Variants in DPP8 observed in about 807,000 individuals in gnomAD.
The protein encoded by DPP8 is DPP VIII.
In DPP8, 31 loss-of-function variants were observed where a neutral mutation model predicts 107.5. That is an observed-to-expected ratio of 0.29 (90% confidence interval 0.22 to 0.39). DPP8 has a LOEUF of 0.39. Ranked by LOEUF, DPP8 falls within the 10% of genes least tolerant of loss-of-function variation. The probability of loss-of-function intolerance (pLI) is 1.00; values close to 1 mark genes in which losing one functional copy is unlikely to be tolerated. For missense variants in DPP8, 842 were observed against 1,076.1 expected, an observed-to-expected ratio of 0.78 and a Z score of 3.04; for synonymous variants, 381 against 356.6, an observed-to-expected ratio of 1.07 and a Z score of -0.77.
At chr15:65,489,878 C>T (rs568674466) in intron 6 of DPP8, among the ~76,000 whole-genome samples, 59 of 151,890 alleles carry the variant, frequency 3.9e-4, no homozygotes, top group Admixed American at 3.3e-4. Flanking sequence ...CTACCATGCC[C>T]GGCTAATTTT....
chr15:65,496,264 T>A (rs542808521), intron 5 of DPP8, among the ~76,000 whole-genome samples: 1 of 152,142 alleles, frequency 6.6e-6, no homozygotes, highest in Non-Finnish European at 1.5e-5. Context: ...ATTACAGGCA[T>A]GAACCGTGGC....
At chr15:65,497,209 T>G (rs917109849) in intron 5 of DPP8, among the ~76,000 whole-genome samples, 1 of 150,740 alleles carries the variant, frequency 6.6e-6, no homozygotes, top group Non-Finnish European at 1.5e-5. Context: ...TTTCTTAGAG[T>G]GTGTAATTGG....
chr15:65,481,924 T>C (rs953640977), intron 8 of DPP8, among the ~76,000 whole-genome samples: 1 of 151,914 alleles, frequency 6.6e-6, no homozygotes, highest in Admixed American at 6.6e-5. Context: ...GACTCCAGTA[T>C]CCAGAAAAAT....
intron 4 of DPP8, 62 bp downstream of exon 4, chr15:65,500,544 C>T: frequency 1.5e-6 from 2 of 1,353,216 alleles, no homozygotes; most frequent in South Asian, 1.3e-5. Flanking sequence ...TACCTTTCTG[C>T]TTTGGGTACA....
In DPP8 at chr15:65,515,530, A is replaced by G; in HGVS notation, c.-12+1956T>C. 4 of 740,784 alleles carry G rather than the reference A, an allele frequency of 5.4e-6. 1 individual carries two copies. The highest frequency in any genetic ancestry group is 4.9e-4 in the Middle Eastern group (2 of 4,068). The allele number at this position is 740,784 out of a possible 1,614,324, so 45.9% of individuals were successfully genotyped here. A position where few individuals can be genotyped will look rare whatever the true frequency, so the allele number is the denominator to read the frequency against. On this transcript the variant is annotated intron_variant, in intron 1 of 19. Transcript: ENST00000300141. Reference sequence around the variant, plus strand: ...CTGATTATATACAAACACATTCTCAAAATAGGTGACCTGAATTTTCTAATG... The same window carrying G: ...CTGATTATATACAAACACATTCTCAGAATAGGTGACCTGAATTTTCTAATG...
At chr15:65,475,632 A>G in intron 11 of DPP8, 1 of 865,946 alleles carries the variant, frequency 1.2e-6, no homozygotes, top group Non-Finnish European at 1.9e-6. Context: ...CATTTCTTCT[A>G]GAAATGCAAC....
At chr15:65,474,425 G>T in intron 11 of DPP8, 137 bp from the exon 12 acceptor site, 1 of 635,988 alleles carries the variant, frequency 1.6e-6, no homozygotes, top group Admixed American at 2.6e-5. Flanking sequence ...ACTAGACAGA[G>T]ATGATGGTTG....
At chr15:65,469,078 C>T (rs1424883266) in intron 12 of DPP8, among the ~76,000 whole-genome samples, 1 of 152,028 alleles carries the variant, frequency 6.6e-6, no homozygotes, top group African/African-American at 2.4e-5. Context: ...CAGGTTCAAG[C>T]GATTCTCCTG....
chr15:65,488,364 T>C (rs544822044), intron 6 of DPP8, among the ~76,000 whole-genome samples: 1 of 151,912 alleles, frequency 6.6e-6, no homozygotes, highest in African/African-American at 2.4e-5. Flanking sequence ...ATGAAATCTG[T>C]TAACGGGTCA....
At chr15:65,489,054 G>A (rs1283481339) in intron 6 of DPP8, among the ~76,000 whole-genome samples, 2 of 151,946 alleles carry the variant, frequency 1.3e-5, no homozygotes, top group Non-Finnish European at 2.9e-5. Flanking sequence ...TCCACCTCCC[G>A]GGTTCAATTG....
At chr15:65,493,587 CTAATGAAAACTAAGCT>C (rs1271368820) in intron 5 of DPP8, among the ~76,000 whole-genome samples, 1 of 151,996 alleles carries the variant, frequency 6.6e-6, no homozygotes, top group East Asian at 1.9e-4. Flanking sequence ...TAGTAACAAC[CTAATGAAAACTAAGCT>C]CAGTTTTCAA....
chr15:65,517,173 C>A (rs2071552785), intron 1 of DPP8: 2 of 152,340 alleles, frequency 1.3e-5, no homozygotes, highest in Non-Finnish European at 2.9e-5. Context: ...CCCGGCCTCC[C>A]AACCCCAGCG....
At chr15:65,462,961 T>G (rs1450160696) in intron 15 of DPP8, among the ~76,000 whole-genome samples, 3 of 152,200 alleles carry the variant, frequency 2.0e-5, no homozygotes, top group African/African-American at 7.2e-5. Flanking sequence ...AATCAAGGTA[T>G]AAACTTCTTA....
chr15:65,491,227 TAAATC>T (rs1432657903), intron 5 of DPP8, among the ~76,000 whole-genome samples: 1 of 143,390 alleles, frequency 7.0e-6, no homozygotes, highest in Non-Finnish European at 1.5e-5. Context: ...TTGAATAAAA[TAAATC>T]AGATTATTGA....
chr15:65,485,561 A>G (rs568003339), intron 7 of DPP8, among the ~76,000 whole-genome samples: 89 of 151,176 alleles, frequency 5.9e-4, no homozygotes, highest in Non-Finnish European at 9.9e-4. Flanking sequence ...AAAAAAAAAA[A>G]AAAGAAAAGA....
At chr15:65,501,091 A>G (rs1007978805) in intron 3 of DPP8, among the ~76,000 whole-genome samples, 1 of 151,856 alleles carries the variant, frequency 6.6e-6, no homozygotes, top group Non-Finnish European at 1.5e-5. Flanking sequence ...GTTAGCCAGG[A>G]TGGTCTCCAT....
intron 11 of DPP8, among the ~76,000 whole-genome samples, chr15:65,475,071 C>G (rs1263760677): frequency 6.6e-6 from 1 of 151,916 alleles, no homozygotes; most frequent in Non-Finnish European, 1.5e-5. Flanking sequence ...TAAAACTTTC[C>G]CAAGACATTT....
intron 4 of DPP8, among the ~76,000 whole-genome samples, chr15:65,498,840 G>A (rs998781163): frequency 6.6e-6 from 1 of 152,048 alleles, no homozygotes; most frequent in Non-Finnish European, 1.5e-5. Context: ...GATCACTTGA[G>A]CCTAAAGTCC....
intron 15 of DPP8, among the ~76,000 whole-genome samples, chr15:65,463,266 C>T (rs1042887684): frequency 3.3e-5 from 5 of 152,200 alleles, no homozygotes; most frequent in African/African-American, 1.2e-4. Flanking sequence ...TGGCAGGGCA[C>T]GGTGGCTCAC....
Sources: allele counts gnomAD v4.1 joint callset (sites outside exome capture counted in the v4.1 genomes callset), GRCh38; gene constraint gnomAD v4.1.1; transcripts MANE v1.5; gene names NCBI Gene and HGNC (gene_info 2026-07-23, HGNC 2026-07-21).